The following PDGFD variants were observed in gnomAD, a reference collection of about 807,000 sequenced individuals.
PDGFD encodes platelet derived growth factor D, also known as platelet-derived growth factor D.
A neutral mutation model predicts 44.7 loss-of-function variants in PDGFD; 30 were observed. The ratio of observed to expected loss-of-function variants is 0.67; its 90% CI spans 0.50 to 0.91. The LOEUF is 0.91. Ranked by LOEUF, PDGFD falls within the 40% of genes least tolerant of loss-of-function variation. The pLI is 0.00. For missense variants in PDGFD, 445 were observed against 457.8 expected, an observed-to-expected ratio of 0.97 and a Z score of 0.25; for synonymous variants, 173 against 168.4, an observed-to-expected ratio of 1.03 and a Z score of -0.21.
chr11:103,994,127 C>A (rs889577844), intron 3 of PDGFD, among the ~76,000 whole-genome samples: 2 of 152,116 alleles, frequency 1.3e-5, no homozygotes, highest in African/African-American at 4.8e-5. Flanking sequence ...ATTCCTACTG[C>A]TTTTTACAAA....
At chr11:104,086,200 A>G (rs1591156631) in intron 1 of PDGFD, among the ~76,000 whole-genome samples, 1 of 152,264 alleles carries the variant, frequency 6.6e-6, no homozygotes, top group Non-Finnish European at 1.5e-5. Flanking sequence ...TTTAGTGAGT[A>G]GAGTCTATAA....
intron 1 of PDGFD, among the ~76,000 whole-genome samples, chr11:104,071,442 G>T (rs979509955): frequency 6.6e-6 from 1 of 151,638 alleles, no homozygotes; most frequent in African/African-American, 2.4e-5. Flanking sequence ...GTGTGTGTGT[G>T]TGTGTGTTAT....
At chr11:103,917,595 ATT>A (rs547496079) in intron 6 of PDGFD, among the ~76,000 whole-genome samples, 3 of 146,190 alleles carry the variant, frequency 2.1e-5, no homozygotes, top group Non-Finnish European at 4.5e-5. Flanking sequence ...CACAGGCACT[ATT>A]TTTTTTTTTC....
chr11:104,151,916 G>C (rs954447733), intron 1 of PDGFD, among the ~76,000 whole-genome samples: 1 of 151,716 alleles, frequency 6.6e-6, no homozygotes, highest in African/African-American at 2.4e-5. Context: ...ACGGAATCTC[G>C]AAGTTGAGAA....
intron 1 of PDGFD, among the ~76,000 whole-genome samples, chr11:104,137,728 C>CTTTTTTTTTTTTTTTT (rs5794295): frequency 1.3e-5 from 1 of 76,618 alleles, no homozygotes; most frequent in Non-Finnish European, 2.5e-5. Context: ...TAGATCACCA[C>CTTTTTTTTTTTTTTTT]TTTTTTTTTT....
chr11:103,979,134 G>A (rs1859226386), intron 3 of PDGFD, among the ~76,000 whole-genome samples: 1 of 151,974 alleles, frequency 6.6e-6, no homozygotes, highest in African/African-American at 2.4e-5. Context: ...CTGGAATTGT[G>A]GTACTTTCTT....
intron 1 of PDGFD, among the ~76,000 whole-genome samples, chr11:104,147,333 C>A (rs1217807421): frequency 6.6e-6 from 1 of 152,058 alleles, no homozygotes; most frequent in Non-Finnish European, 1.5e-5. Flanking sequence ...TATATATGAG[C>A]CTGTCATGGG....
At chr11:103,922,658 T>G (rs1032655873) in intron 6 of PDGFD, among the ~76,000 whole-genome samples, 1 of 152,174 alleles carries the variant, frequency 6.6e-6, no homozygotes, top group East Asian at 1.9e-4. Flanking sequence ...CAAGCAATTC[T>G]CCTGCCTCAG....
At chr11:104,076,680 G>T (rs1723104127) in intron 1 of PDGFD, among the ~76,000 whole-genome samples, 1 of 152,108 alleles carries the variant, frequency 6.6e-6, no homozygotes, top group Non-Finnish European at 1.5e-5. Context: ...GTTAAAACAT[G>T]TTAAGGTATT....
At chr11:104,140,254 C>T (rs957665627) in intron 1 of PDGFD, among the ~76,000 whole-genome samples, 1 of 152,018 alleles carries the variant, frequency 6.6e-6, no homozygotes, top group Non-Finnish European at 1.5e-5. Context: ...TCAGTCATTA[C>T]CATAAAACAA....
At chr11:104,007,817 T>C (rs1049288637) in intron 1 of PDGFD, among the ~76,000 whole-genome samples, 5 of 152,230 alleles carry the variant, frequency 3.3e-5, no homozygotes, top group African/African-American at 9.6e-5. Context: ...ATAGTCCCAC[T>C]TCTGTTGCTA....
chr11:104,124,918 T>C (rs1861821861), intron 1 of PDGFD, among the ~76,000 whole-genome samples: 1 of 152,154 alleles, frequency 6.6e-6, no homozygotes, highest in Non-Finnish European at 1.5e-5. Context: ...GTATTTCTTT[T>C]ACGTCAGGTG....
intron 1 of PDGFD, among the ~76,000 whole-genome samples, chr11:104,066,220 T>C (rs1263492130): frequency 3.3e-5 from 5 of 152,178 alleles, no homozygotes; most frequent in African/African-American, 9.7e-5. Flanking sequence ...TCATAAGCCA[T>C]GATTTGTTAA....
intron 6 of PDGFD, among the ~76,000 whole-genome samples, chr11:103,923,652 C>T (rs901544831): frequency 6.6e-6 from 1 of 152,154 alleles, no homozygotes; most frequent in Admixed American, 6.5e-5. Context: ...GCTCAAGCAA[C>T]CCCCACTTCT....
intron 1 of PDGFD, among the ~76,000 whole-genome samples, chr11:104,023,620 T>C (rs1859996525): frequency 6.6e-6 from 1 of 152,170 alleles, no homozygotes; most frequent in African/African-American, 2.4e-5. Flanking sequence ...GTAAACACAA[T>C]CTACTGTTAA....
chr11:104,074,754 A>T (rs1311217994), intron 1 of PDGFD, among the ~76,000 whole-genome samples: 2 of 152,216 alleles, frequency 1.3e-5, no homozygotes, highest in African/African-American at 2.4e-5. Context: ...CATTTTATAC[A>T]CACAGTTTGC....
At chr11:104,010,375 T>C (rs968278355) in intron 1 of PDGFD, among the ~76,000 whole-genome samples, 4 of 152,074 alleles carry the variant, frequency 2.6e-5, no homozygotes, top group South Asian at 2.1e-4. Flanking sequence ...AAAAGTACCA[T>C]AAAGTCCTCT....
intron 1 of PDGFD, among the ~76,000 whole-genome samples, chr11:104,152,744 T>C (rs1254722283): frequency 1.3e-5 from 2 of 152,128 alleles, no homozygotes; most frequent in African/African-American, 4.8e-5. Flanking sequence ...TAACCCAAAA[T>C]ATGCTATGTC....
chr11:104,053,515 G>T (rs1229603365), intron 1 of PDGFD, among the ~76,000 whole-genome samples: 1 of 152,114 alleles, frequency 6.6e-6, no homozygotes, highest in Non-Finnish European at 1.5e-5. Flanking sequence ...GCTTCAGATT[G>T]GGTTATTGCT....
Sources: allele counts gnomAD v4.1 joint callset (sites outside exome capture counted in the v4.1 genomes callset), GRCh38; gene constraint gnomAD v4.1.1; transcripts MANE v1.5; gene names NCBI Gene and HGNC (gene_info 2026-07-23, HGNC 2026-07-21).